SMCO4: variants seen among roughly 807,000 people sequenced by gnomAD.
The protein encoded by SMCO4 is single-pass membrane protein with coiled-coil domains 4.
A neutral mutation model predicts 3.6 loss-of-function variants in SMCO4; 4 were observed. The observed-to-expected ratio is 1.11, with a 90% CI of 0.54 to 2.53. The LOEUF is 2.53. Among genes scored for constraint, SMCO4 ranks in the 30% most tolerant of loss-of-function variants. The pLI is 0.02. For missense variants in SMCO4, 70 were observed against 80.8 expected (o/e 0.87, Z 0.51); for synonymous variants, 36 against 35.3 (o/e 1.02, Z -0.07).
At chr11:93,515,900 C>G (rs1389524443) in intron 1 of SMCO4, among the ~76,000 whole-genome samples, 1 of 152,160 alleles carries the variant, frequency 6.6e-6, no homozygotes, top group Non-Finnish European at 1.5e-5. Context: ...CCATCAAATC[C>G]TCTCCCCTCT....
chr11:93,482,537 C>T (rs1207292462), intron 2 of SMCO4, among the ~76,000 whole-genome samples: 2 of 152,146 alleles, frequency 1.3e-5, no homozygotes, highest in Non-Finnish European at 2.9e-5. Flanking sequence ...AGTCCTTTCA[C>T]CCTGACAGCT....
intron 2 of SMCO4, among the ~76,000 whole-genome samples, chr11:93,488,255 C>T (rs1948673399): frequency 6.6e-6 from 1 of 152,144 alleles, no homozygotes; most frequent in African/African-American, 2.4e-5. Flanking sequence ...CTGAGAAGCA[C>T]GCAGGGGCCA....
At chr11:93,522,105 A>G (rs1461318078) in intron 1 of SMCO4, among the ~76,000 whole-genome samples, 1 of 58,044 alleles carries the variant, frequency 1.7e-5, no homozygotes, top group Non-Finnish European at 3.5e-5. Flanking sequence ...AAACAAAACA[A>G]AAACAAAATG....
At chr11:93,507,524 T>A (rs1182788003) in intron 1 of SMCO4, among the ~76,000 whole-genome samples, 5 of 152,246 alleles carry the variant, frequency 3.3e-5, no homozygotes, top group Non-Finnish European at 7.3e-5. Flanking sequence ...GATATTTTTC[T>A]AAACGGTGGT....
intron 2 of SMCO4, among the ~76,000 whole-genome samples, chr11:93,498,680 G>C (rs1948803456): frequency 6.6e-6 from 1 of 152,242 alleles, no homozygotes; most frequent in Admixed American, 6.5e-5. Context: ...ACCTGGCGAA[G>C]ATCAGGAATT....
chr11:93,534,398 A>T (rs10831057), intron 1 of SMCO4, among the ~76,000 whole-genome samples: 1 of 145,950 alleles, frequency 6.9e-6, no homozygotes, highest in Non-Finnish European at 1.5e-5. Context: ...AGAGAGAGAT[A>T]CATATATATA....
At chr11:93,502,005 A>G (rs1948844276) in intron 1 of SMCO4, among the ~76,000 whole-genome samples, 3 of 151,544 alleles carry the variant, frequency 2.0e-5, no homozygotes, top group South Asian at 4.2e-4. Flanking sequence ...CCACCAAGAA[A>G]GGAGAGCAGG....
At chr11:93,544,209 C>A (rs1949297844), upstream of SMCO4, among the ~76,000 whole-genome samples, 1 of 152,224 alleles carries the variant, frequency 6.6e-6, no homozygotes, top group Non-Finnish European at 1.5e-5. Flanking sequence ...CTATAAAGTT[C>A]TTTACGCAGC....
chr11:93,540,373 C>T (rs1406770908), intron 1 of SMCO4, among the ~76,000 whole-genome samples: 1 of 152,150 alleles, frequency 6.6e-6, no homozygotes, highest in African/African-American at 2.4e-5. Flanking sequence ...TCAGAGAGGT[C>T]AGGCAGCAGG....
chr11:93,537,003 T>G (rs755267791), intron 1 of SMCO4, among the ~76,000 whole-genome samples: 1 of 152,228 alleles, frequency 6.6e-6, no homozygotes, highest in Non-Finnish European at 1.5e-5. Context: ...GGAAAACATC[T>G]GTAAAAGCTC....
At chr11:93,489,665 A>G (rs1306768538) in intron 2 of SMCO4, among the ~76,000 whole-genome samples, 1 of 152,260 alleles carries the variant, frequency 6.6e-6, no homozygotes, top group Non-Finnish European at 1.5e-5. Flanking sequence ...TGAGGATGAC[A>G]TGAGATTACA....
Position 93,478,792 on chromosome 11 carries a change from G to A in SMCO4, c.*218C>T. ...TGAAGTCTGAAAGGCACATGAAGTG[G>A]ACCATAAGGTGTATGGCACATTCAC... On this transcript the variant is annotated 3_prime_UTR_variant, in exon 3 of 3. Transcript: ENST00000298966. 7.5e-7 allele frequency: 1 copy of A among 1,329,722 alleles called. No homozygotes were observed. The highest frequency in any genetic ancestry group is 2.0e-5 in the South Asian group (1 of 50,000). The allele number at this position is 1,329,722 out of a possible 1,614,324, so 82.4% of individuals were successfully genotyped here.
At chr11:93,485,879 T>C (rs1948642672) in intron 2 of SMCO4, among the ~76,000 whole-genome samples, 1 of 152,218 alleles carries the variant, frequency 6.6e-6, no homozygotes, top group Non-Finnish European at 1.5e-5. Context: ...ATTTAAATGA[T>C]GAAACTGGGA....
chr11:93,511,410 T>C (rs1948955571), intron 1 of SMCO4, among the ~76,000 whole-genome samples: 1 of 152,134 alleles, frequency 6.6e-6, no homozygotes, highest in African/African-American at 2.4e-5. Flanking sequence ...CATCATTGCA[T>C]TATAACGTTG....
chr11:93,478,743 AC>A lies in SMCO4; in HGVS notation c.*266del. The A allele has an allele frequency of 4.9e-5, 37 of 759,338 alleles. No homozygotes were observed. The highest frequency in any genetic ancestry group is 4.7e-4 in the Middle Eastern group (1 of 2,134). 47.0% of individuals were successfully genotyped at this position (759,338 alleles called of 1,614,324 possible). A position where few individuals can be genotyped will look rare whatever the true frequency, so the allele number is the denominator to read the frequency against. Reference sequence around the variant, plus strand: ...CACACACACACACACACACACACACACACACACACATGCGCGCGCGCTTTGA... The same window carrying A: ...CACACACACACACACACACACACACAACACACACATGCGCGCGCGCTTTGA... On this transcript the variant is annotated 3_prime_UTR_variant, in exon 3 of 3. Transcript: ENST00000298966.
intron 1 of SMCO4, among the ~76,000 whole-genome samples, chr11:93,535,979 G>A (rs1949221371): frequency 6.6e-6 from 1 of 152,108 alleles, no homozygotes; most frequent in African/African-American, 2.4e-5. Context: ...GGATAGTTGT[G>A]GTAAGAATCT....
At chr11:93,531,732 A>C (rs1949164805) in intron 1 of SMCO4, among the ~76,000 whole-genome samples, 1 of 152,216 alleles carries the variant, frequency 6.6e-6, no homozygotes, top group Non-Finnish European at 1.5e-5. Flanking sequence ...CAGTTGTGAA[A>C]GGAAAATAAA....
At chr11:93,553,874 C>G in the SMCO4 span, among the ~76,000 whole-genome samples, 1 of 152,182 alleles carries the variant, frequency 6.6e-6, no homozygotes, top group Non-Finnish European at 1.5e-5. Context: ...CCTTTATTTG[C>G]TCTACAAAGC....
Position 93,514,374 on chromosome 11 carries a change from C to CTATATA in SMCO4, c.-153-15032_-153-15027dup, listed in dbSNP as rs148462986. On this transcript the variant is annotated intron_variant, in intron 1 of 2. Transcript: ENST00000298966. Reference sequence around the variant, plus strand: ...AAAGGAAAAATAAAACAGGATGAGGCTATATATATATATATATATATATAT... The same window carrying CTATATA: ...AAAGGAAAAATAAAACAGGATGAGGCTATATATATATATATATATATATATATATAT... 6.3e-3 allele frequency among the ~76,000 whole-genome samples: 246 copies of CTATATA among 38,916 alleles called. 3 individuals are homozygous for CTATATA. The highest frequency in any genetic ancestry group is 0.012 in the Non-Finnish European group (181 of 15,490). 25.5% of individuals were successfully genotyped at this position (38,916 alleles called of 152,430 possible).
Sources: gnomAD v4.1 joint callset for allele counts (sites outside exome capture counted in the v4.1 genomes callset) on GRCh38, gnomAD v4.1.1 for gene constraint, MANE v1.5 for transcripts, NCBI Gene and HGNC (gene_info 2026-07-23, HGNC 2026-07-21) for gene names.